The following FERMT1 variants were observed in gnomAD, a reference collection of about 807,000 sequenced individuals.
FERMT1 encodes fermitin family homolog 1.
A neutral mutation model predicts 85.3 loss-of-function variants in FERMT1; 60 were observed. The observed-to-expected ratio is 0.70, with a 90% CI of 0.57 to 0.87. The LOEUF is 0.87. FERMT1 is among the 40% of genes least tolerant of loss of function. FERMT1 has a pLI of 0.00. For missense variants in FERMT1, 701 were observed against 818.9 expected (o/e 0.86, Z 1.76); for synonymous variants, 275 against 301.1 (o/e 0.91, Z 0.90).
intron 4 of FERMT1, among the ~76,000 whole-genome samples, chr20:6,111,811 G>C (rs926844648): frequency 2.0e-5 from 3 of 151,740 alleles, no homozygotes; most frequent in Non-Finnish European, 4.4e-5. Flanking sequence ...ATCACACAAT[G>C]ATAGAATCAT....
intron 5 of FERMT1, among the ~76,000 whole-genome samples, chr20:6,109,976 T>C (rs6053911): frequency 0.32 from 48,822 of 151,494 alleles, 8,326 homozygotes; most frequent in East Asian, 0.54. Context: ...CTTGGATTTA[T>C]CCCACTGGCC....
chr20:6,106,008 A>G (rs1187977896), intron 6 of FERMT1, among the ~76,000 whole-genome samples: 2 of 152,250 alleles, frequency 1.3e-5, no homozygotes, highest in African/African-American at 4.8e-5. Context: ...GCTTAAATAT[A>G]AAATCACAAA....
intron 6 of FERMT1, among the ~76,000 whole-genome samples, chr20:6,100,872 TAAAA>T (rs945939260): frequency 6.6e-6 from 1 of 152,086 alleles, no homozygotes; most frequent in African/African-American, 2.4e-5. Flanking sequence ...TTTGAATAAT[TAAAA>T]AAGTTTGTAA....
chr20:6,076,673 T>C lies in FERMT1; in HGVS notation c.*500A>G, dbSNP rs1600420511. On this transcript the variant is annotated 3_prime_UTR_variant, in exon 15 of 15. Coordinates refer to ENST00000217289, the MANE Select transcript of FERMT1 (RefSeq NM_017671.5). ...TTGGCCTCCAGGGAAAAAGTGTGTG[T>C]AGGAACTCCCTCTGCCATTTTGAAA... The C allele has an allele frequency of 3.0e-6, 1 of 336,332 alleles. No individual in the cohort carries two copies. Among genetic ancestry groups the C allele is most frequent in the East Asian group, 7.8e-5 (1 of 12,850 alleles). The allele number at this position is 336,332 out of a possible 1,614,324, so 20.8% of individuals were successfully genotyped here. A position where few individuals can be genotyped will look rare whatever the true frequency, so the allele number is the denominator to read the frequency against.
chr20:6,118,977 T>C (rs182875213), intron 2 of FERMT1, among the ~76,000 whole-genome samples: 1 of 151,482 alleles, frequency 6.6e-6, no homozygotes, highest in Admixed American at 6.6e-5. Context: ...ACACCGAGTC[T>C]TGCTCTGTCA....
chr20:6,120,547 TCTTA>T (rs987222535), intron 1 of FERMT1: 1 of 152,258 alleles, frequency 6.6e-6, no homozygotes, highest in African/African-American at 2.4e-5. Flanking sequence ...GTCAGTTCTC[TCTTA>T]CTTTTAAACA....
At position 6,116,002 on chromosome 20, in the gene FERMT1, T is replaced by A; in HGVS notation, c.194A>T (p.Gln65Leu). The A allele has an allele frequency of 6.2e-7, 1 of 1,614,218 alleles. No homozygotes were observed. Among genetic ancestry groups the A allele is most frequent in the African/African-American group, 1.3e-5 (1 of 75,066 alleles). ...DWSDFALWWE[Q>L]KHCWLLKTHW... ...GGTTTTCAGAAGCCAGCAATGCTTCTGTTCCCACCAAAGAGCAAAGTCTGA... is the reference window on the plus strand; with the variant it reads ...GGTTTTCAGAAGCCAGCAATGCTTCAGTTCCCACCAAAGAGCAAAGTCTGA... Residue 65 changes from glutamine to leucine, a missense_variant, in exon 3 of 15, where the codon CAG (glutamine) becomes CTG (leucine). By Grantham distance (113) the Gln-to-Leu change is moderately radical. Coordinates refer to ENST00000217289, the MANE Select transcript of FERMT1 (RefSeq NM_017671.5).
rs960930413 is a variant in FERMT1 at position 6,097,557 on chromosome 20, T to C, written c.924A>G (p.Thr308=). 1.9e-6 allele frequency: 3 copies of C among 1,614,072 alleles called. No individual in the cohort carries two copies. Among genetic ancestry groups the C allele is most frequent in the Non-Finnish European group, 2.5e-6 (3 of 1,179,914 alleles). The part of the protein sequence containing the change: ...WAILLEEIDC[T]EEEMLIFAAL... Reference sequence around the variant, plus strand: ...CTGCAAAGATCAACATTTCTTCCTCTGTGCAATCAATTTCTTCTAAGAGAA... The same window carrying C: ...CTGCAAAGATCAACATTTCTTCCTCCGTGCAATCAATTTCTTCTAAGAGAA... The change falls in exon 7 of 15, where the codon ACA becomes ACG. Residue 308 remains threonine, a synonymous_variant. Coordinates refer to ENST00000217289, the MANE Select transcript of FERMT1 (RefSeq NM_017671.5).
rs1981839577 is a variant in FERMT1 at position 6,076,901 on chromosome 20, TG to T, written c.*271del. The T allele has an allele frequency of 2.0e-6, 1 of 510,836 alleles. No individual in the cohort carries two copies. The highest frequency in any genetic ancestry group is 1.9e-5 in the African/African-American group (1 of 52,046). 31.6% of individuals were successfully genotyped at this position (510,836 alleles called of 1,614,324 possible). A position where few individuals can be genotyped will look rare whatever the true frequency, so the allele number is the denominator to read the frequency against. ...AAGTCAGAGAACTGTAACCACATGC[TG>T]GGCCTTAGAGCAATCTTAGGGCACC... On this transcript the variant is annotated 3_prime_UTR_variant, in exon 15 of 15. Transcript: ENST00000217289.
rs1024111856 is a variant in FERMT1 at position 6,104,741 on chromosome 20, C to T, written c.849+2791G>A. ...CCCTTGTGACCCTCAGCTTCAGTGTCCTTGTCCCCTTCTGGAGTACGATTC... is the reference window on the plus strand; with the variant it reads ...CCCTTGTGACCCTCAGCTTCAGTGTTCTTGTCCCCTTCTGGAGTACGATTC... On this transcript the variant is annotated intron_variant, in intron 6 of 14. Transcript: ENST00000217289. This position sits in a 1 kb window ranked among gnomAD's most constrained non-coding sequence, Gnocchi z 4.2. Among the ~76,000 whole-genome samples, 1 of 152,198 alleles carries T rather than the reference C, an allele frequency of 6.6e-6. No individual in the cohort carries two copies. Among genetic ancestry groups the T allele is most frequent in the Non-Finnish European group, 1.5e-5 (1 of 68,034 alleles).
chr20:6,088,863 A>T, intron 10 of FERMT1, 102 bp downstream of exon 10: 4 of 1,152,960 alleles, frequency 3.5e-6, no homozygotes, highest in Non-Finnish European at 5.1e-6. Flanking sequence ...ACCTCAGGTG[A>T]TCCGCCCGCC....
chr20:6,101,102 C>T (rs2123124853), intron 6 of FERMT1, among the ~76,000 whole-genome samples: 1 of 152,332 alleles, frequency 6.6e-6, no homozygotes, highest in African/African-American at 2.4e-5. Context: ...TTTCCTATCA[C>T]ATCTACCTAC....
At position 6,079,484 on chromosome 20, in the gene FERMT1, C is replaced by T. The variant is rs1172664527; in HGVS notation, c.1812G>A (p.Trp604Ter). The T allele has an allele frequency of 6.2e-7, 1 of 1,614,048 alleles. No individual in the cohort carries two copies. Among genetic ancestry groups the T allele is most frequent in the Admixed American group, 1.7e-5 (1 of 60,010 alleles). ...TCCACTGTTTGATATTTGTGAATCT[C>T]CATGTTGTCACTGGAATCCCGGTGG... ...DAATGIPVTT[W>*]RFTNIKQWNV... The change falls in exon 14 of 15, where the codon TGG (tryptophan) becomes TGA (stop). Residue 604 changes from tryptophan to a stop codon, truncating the protein, a stop_gained. Coordinates refer to ENST00000217289, the MANE Select transcript of FERMT1 (RefSeq NM_017671.5). LOFTEE classifies it high-confidence loss of function.
rs1296567600 is a variant in FERMT1, at chr20:6,076,152, T to G, written c.*1021A>C. ...CACAGACCAGCGATAAGAGGGACGC[T>G]TCCCCATGACCCAGACCAGCCTAAA... On this transcript the variant is annotated 3_prime_UTR_variant, in exon 15 of 15. Transcript: ENST00000217289. 8.7e-6 allele frequency: 2 copies of G among 230,826 alleles called. No homozygotes were observed. The highest frequency in any genetic ancestry group is 4.6e-5 in the African/African-American group (2 of 43,554). The allele number at this position is 230,826 out of a possible 1,614,324, so 14.3% of individuals were successfully genotyped here. A position where few individuals can be genotyped will look rare whatever the true frequency, so the allele number is the denominator to read the frequency against.
chr20:6,113,055 C>T (rs1254263498), intron 3 of FERMT1, among the ~76,000 whole-genome samples: 1 of 151,790 alleles, frequency 6.6e-6, no homozygotes, highest in Non-Finnish European at 1.5e-5. Context: ...TCTTGAATTC[C>T]CATGTGTTGT....
chr20:6,092,189 C>A (rs559523387), intron 9 of FERMT1, among the ~76,000 whole-genome samples: 2 of 152,108 alleles, frequency 1.3e-5, no homozygotes, highest in Admixed American at 6.6e-5. Context: ...TTTGTCATCC[C>A]GGATCAGTTT....
intron 1 of FERMT1, among the ~76,000 whole-genome samples, chr20:6,122,544 C>G (rs753152602): frequency 1.3e-5 from 2 of 152,196 alleles, no homozygotes; most frequent in Non-Finnish European, 2.9e-5. Context: ...ATAAAGCATG[C>G]CCCTTACTCC....
intron 6 of FERMT1, among the ~76,000 whole-genome samples, chr20:6,105,242 G>A (rs910572330): frequency 1.3e-5 from 2 of 152,210 alleles, no homozygotes; most frequent in Admixed American, 6.5e-5. Context: ...CCATGTGACC[G>A]AGAGTAGAGA....
chr20:6,121,909 A>G (rs1983286915), intron 1 of FERMT1, among the ~76,000 whole-genome samples: 1 of 152,274 alleles, frequency 6.6e-6, no homozygotes, highest in Admixed American at 6.5e-5. Flanking sequence ...CGCAGTGAGG[A>G]GACAAAAGAT....
Sources: allele counts gnomAD v4.1 joint callset (sites outside exome capture counted in the v4.1 genomes callset), GRCh38; gene constraint gnomAD v4.1.1; non-coding constraint Gnocchi (gnomAD v3.1); transcripts MANE v1.5; gene names NCBI Gene and HGNC (gene_info 2026-07-23, HGNC 2026-07-21).